Variants in PAPPA observed in about 807,000 individuals in gnomAD.
The protein encoded by PAPPA is pappalysin 1.
Under a neutral mutation model 164.0 loss-of-function variants are expected in PAPPA, and 60 were observed. The ratio of observed to expected loss-of-function variants is 0.37; its 90% CI spans 0.30 to 0.45. PAPPA has a LOEUF of 0.45. Among genes scored for constraint, PAPPA ranks in the 20% least tolerant of loss-of-function variants. The pLI, the probability that PAPPA is intolerant of heterozygous loss-of-function variation, is 1.00. For missense variants in PAPPA, 1,782 were observed against 2,087.3 expected (o/e 0.85, Z 2.85); for synonymous variants, 875 against 814.1 (o/e 1.07, Z -1.27).
At chr9:116,308,681 G>A (rs1373343186) in intron 10 of PAPPA, among the ~76,000 whole-genome samples, 1 of 152,156 alleles carries the variant, frequency 6.6e-6, no homozygotes. Context: ...TTAATATGTG[G>A]TACGTATTTA....
intron 2 of PAPPA, among the ~76,000 whole-genome samples, chr9:116,207,204 G>A (rs1410324584): frequency 1.3e-5 from 2 of 152,100 alleles, no homozygotes; most frequent in East Asian, 1.9e-4. Context: ...TGGAGATAAC[G>A]ATACTACCTA....
Position 116,399,370 on chromosome 9 carries a change from T to C in PAPPA, c.*2754T>C, listed in dbSNP as rs1401765059. On this transcript the variant is annotated 3_prime_UTR_variant, in exon 22 of 22. Coordinates refer to ENST00000328252, the MANE Select transcript of PAPPA (RefSeq NM_002581.5). The stretch of plus-strand genomic sequence containing the variant: ...GTGCCCACATGGAAGGTATCTTTAA[T>C]AGGGTCTTTTCAAACCTTAGTGGAG... The C allele has an allele frequency of 6.6e-6, 1 of 152,642 alleles. No individual in the cohort carries two copies. Among genetic ancestry groups the C allele is most frequent in the South Asian group, 2.1e-4 (1 of 4,832 alleles). 9.5% of individuals were successfully genotyped at this position (152,642 alleles called of 1,614,324 possible). A position where few individuals can be genotyped will look rare whatever the true frequency, so the allele number is the denominator to read the frequency against.
intron 6 of PAPPA, among the ~76,000 whole-genome samples, chr9:116,233,819 T>C (rs1844627424): frequency 6.6e-6 from 1 of 152,148 alleles, no homozygotes; most frequent in Non-Finnish European, 1.5e-5. Context: ...CAAAGATCTT[T>C]TTTTTTTCTT....
intron 10 of PAPPA, among the ~76,000 whole-genome samples, chr9:116,328,838 G>T (rs934655645): frequency 5.9e-5 from 9 of 152,062 alleles, no homozygotes; most frequent in Non-Finnish European, 1.3e-4. Context: ...GATGTGCAAG[G>T]TAAACTAAGG....
Position 116,400,922 on chromosome 9 carries a change from G to C in PAPPA, c.*4306G>C, listed in dbSNP as rs1311140835. The C allele has an allele frequency of 6.6e-6, 1 of 152,506 alleles. No homozygotes were observed. The highest frequency in any genetic ancestry group is 1.9e-4 in the East Asian group (1 of 5,172). 9.4% of individuals were successfully genotyped at this position (152,506 alleles called of 1,614,324 possible). A position where few individuals can be genotyped will look rare whatever the true frequency, so the allele number is the denominator to read the frequency against. On this transcript the variant is annotated 3_prime_UTR_variant, in exon 22 of 22. Transcript: ENST00000328252. ...CATCAGTTTCTCTAGCTGCAAAATGGGGATAATACTATATACCTACCTCAC... is the reference window on the plus strand; with the variant it reads ...CATCAGTTTCTCTAGCTGCAAAATGCGGATAATACTATATACCTACCTCAC...
At position 116,382,363 on chromosome 9, in the gene PAPPA, G is replaced by A. The variant is rs778370721; in HGVS notation, c.4678-32G>A. ...CCACTCACTCCAGGATGCTAACAAG[G>A]CCTCATTTCCTCCTTCTGTCTCCCT... On this transcript the variant is annotated intron_variant, in intron 20 of 21. Transcript: ENST00000328252. The A allele has an allele frequency of 1.4e-5, 19 of 1,383,596 alleles. No homozygotes were observed. The Admixed American group carries it at 3.0e-4, about 22-fold the overall frequency. The allele number at this position is 1,383,596 out of a possible 1,614,324, so 85.7% of individuals were successfully genotyped here. A position where few individuals can be genotyped will look rare whatever the true frequency, so the allele number is the denominator to read the frequency against.
intron 10 of PAPPA, among the ~76,000 whole-genome samples, chr9:116,311,703 G>A (rs1393764860): frequency 1.3e-5 from 2 of 152,142 alleles, no homozygotes; most frequent in African/African-American, 4.8e-5. Flanking sequence ...CTGTGAGATG[G>A]TATGAGGATC....
At chr9:116,195,306 A>T (rs1844090522) in intron 2 of PAPPA, among the ~76,000 whole-genome samples, 1 of 152,066 alleles carries the variant, frequency 6.6e-6, no homozygotes, top group Non-Finnish European at 1.5e-5. Context: ...TTGCACACAT[A>T]TAACTTTGGT....
chr9:116,336,120 C>T (rs1010228643), intron 13 of PAPPA, among the ~76,000 whole-genome samples: 1 of 152,036 alleles, frequency 6.6e-6, no homozygotes. Flanking sequence ...AGTTGCACAG[C>T]GTCTCTCAGA....
At chr9:116,341,162 T>A (rs1846132259) in intron 13 of PAPPA, among the ~76,000 whole-genome samples, 1 of 152,042 alleles carries the variant, frequency 6.6e-6, no homozygotes, top group South Asian at 2.1e-4. Flanking sequence ...TGCTTCAGCC[T>A]CCCAAGTAGC....
intron 17 of PAPPA, 77 bp downstream of exon 17, chr9:116,353,870 GA>G: frequency 9.3e-7 from 1 of 1,076,992 alleles, no homozygotes; most frequent in African/African-American, 1.6e-5. Context: ...TGTACTTCAG[GA>G]ACCACTTTCT....
In PAPPA at chr9:116,288,178, G is replaced by A. The variant is rs148036231; in HGVS notation, c.2954-14579G>A. Reference sequence around the variant, plus strand: ...GAGGTCAGGAGTTTAAGACAAGCCTGACAAACATGGTGAAACCCTGCCTCT... The same window carrying A: ...GAGGTCAGGAGTTTAAGACAAGCCTAACAAACATGGTGAAACCCTGCCTCT... On this transcript the variant is annotated intron_variant, in intron 9 of 21. Coordinates refer to ENST00000328252, the MANE Select transcript of PAPPA (RefSeq NM_002581.5). Among the ~76,000 whole-genome samples, 879 of 152,260 alleles carry A rather than the reference G, an allele frequency of 5.8e-3. 7 individuals are homozygous for A. Among genetic ancestry groups the A allele is most frequent in the African/African-American group, 0.02 (831 of 41,558 alleles).
chr9:116,206,578 G>A (rs1320999530), intron 2 of PAPPA, among the ~76,000 whole-genome samples: 2 of 152,150 alleles, frequency 1.3e-5, no homozygotes, highest in Non-Finnish European at 1.5e-5. Context: ...CAGGTATCAA[G>A]CTTTGTGCGG....
intron 3 of PAPPA, 93 bp downstream of exon 3, chr9:116,207,694 G>T: frequency 1.0e-6 from 1 of 961,158 alleles, no homozygotes; most frequent in Non-Finnish European, 1.5e-6. Flanking sequence ...TGATGGTGGT[G>T]GTGGTAGTTG....
Position 116,220,016 on chromosome 9 carries a change from G to T in PAPPA, c.1998G>T (p.Trp666Cys). 1 of 1,614,008 alleles carries T rather than the reference G, an allele frequency of 6.2e-7. No individual in the cohort carries two copies. The highest frequency in any genetic ancestry group is 8.5e-7 in the Non-Finnish European group (1 of 1,179,928). Residue 666 changes from tryptophan to cysteine, a missense_variant, in exon 5 of 22, where the codon TGG becomes TGT. By Grantham distance (215) the Trp-to-Cys change is radical. Coordinates refer to ENST00000328252, the MANE Select transcript of PAPPA (RefSeq NM_002581.5). ...ACCTGGACCTGGTCTACCAGGGCTG[G>T]CAGCCCTCCAGGAAACCAGCGCCTG... Reference protein sequence around the residue: ...HCYLDLVYQGWQPSRKPAPVA... With the variant: ...HCYLDLVYQGCQPSRKPAPVA...
At chr9:116,167,024 A>G (rs1843726282) in intron 1 of PAPPA, among the ~76,000 whole-genome samples, 1 of 152,250 alleles carries the variant, frequency 6.6e-6, no homozygotes, top group Non-Finnish European at 1.5e-5. Flanking sequence ...TAAGATTTCA[A>G]AAAGATTGGC....
rs552646096 is a variant in PAPPA, at chr9:116,347,587, G to A, written c.3964+378G>A. ...GGCCAGTAAGCCTTATGAGGTAAGC[G>A]TTACTATTATTCCCATTTCACAGAT... On this transcript the variant is annotated intron_variant, in intron 15 of 21. Transcript: ENST00000328252. The surrounding 1 kb of genome is among the most constrained non-coding windows in gnomAD (Gnocchi z 4.5). Among the ~76,000 whole-genome samples, 13 of 152,296 alleles carry A rather than the reference G, an allele frequency of 8.5e-5. No homozygotes were observed. The South Asian group carries it at 1.5e-3, about 17-fold the overall frequency.
intron 9 of PAPPA, among the ~76,000 whole-genome samples, chr9:116,278,402 T>A (rs1845227102): frequency 6.6e-6 from 1 of 152,220 alleles, no homozygotes; most frequent in Non-Finnish European, 1.5e-5. Context: ...CCAGACTAAC[T>A]CTTGAAATAG....
At chr9:116,168,956 A>G (rs1843744421) in intron 1 of PAPPA, among the ~76,000 whole-genome samples, 1 of 152,152 alleles carries the variant, frequency 6.6e-6, no homozygotes, top group African/African-American at 2.4e-5. Context: ...AATACTAGTC[A>G]TGTCGGTGAG....
Sources: gnomAD v4.1 joint callset for allele counts (sites outside exome capture counted in the v4.1 genomes callset) on GRCh38, gnomAD v4.1.1 for gene constraint, Gnocchi (gnomAD v3.1) non-coding constraint, MANE v1.5 for transcripts, NCBI Gene and HGNC (gene_info 2026-07-23, HGNC 2026-07-21) for gene names.